BMX: variants seen among roughly 807,000 people sequenced by gnomAD.
BMX encodes cytoplasmic tyrosine-protein kinase BMX.
Under a neutral mutation model 59.2 loss-of-function variants are expected in BMX, and 31 were observed. That is an observed-to-expected ratio of 0.52 (90% CI 0.39 to 0.71). BMX has a LOEUF of 0.71. Among genes scored for constraint, BMX ranks in the 30% least tolerant of loss-of-function variants. The pLI, the probability that BMX is intolerant of heterozygous loss-of-function variation, is 0.00. For synonymous variants in BMX, 185 were observed against 181.0 expected (o/e 1.02, Z -0.18); for missense variants, 474 against 491.7 (o/e 0.96, Z 0.34).
At position 15,536,501 on chromosome X, in the gene BMX, GCAA is replaced by G; in HGVS notation, c.1222+75_1222+77del. On this transcript the variant is annotated intron_variant, in intron 13 of 18. Transcript: ENST00000348343. Reference sequence around the variant, plus strand: ...ATTTAAATATATGGTTAATTTACTGGCAAAAAAAAAAAAAAAGGAGGAAAGACA... The same window carrying G: ...ATTTAAATATATGGTTAATTTACTGGAAAAAAAAAAAAAGGAGGAAAGACA... The G allele has an allele frequency of 4.0e-6, 3 of 741,699 alleles. No individual in the cohort carries two copies. In the South Asian group the frequency reaches 1.3e-4, roughly 32 times the overall value. 61.1% of individuals were successfully genotyped at this position (741,699 alleles called of 1,213,427 possible).
At chrX:15,543,936 C>T (rs1212200413) in intron 16 of BMX, among the ~76,000 whole-genome samples, 1 of 111,785 alleles carries the variant, frequency 8.9e-6, no homozygotes, top group Non-Finnish European at 1.9e-5. Context: ...CCTTTCTATT[C>T]AACATTTATT....
Position 15,543,113 on chromosome X carries a change from G to A in BMX, c.1654G>A (p.Val552Ile). The stretch of plus-strand genomic sequence containing the variant: ...GGTGGACAGAGATCTCTGTGTGAAA[G>A]TATCTGACTTTGGAATGACAAGGTA... ...CLVDRDLCVK[V>I]SDFGMTRYVL... Residue 552 changes from valine to isoleucine, a missense_variant, in exon 16 of 19, where the codon GTA (valine) becomes ATA (isoleucine). By Grantham distance (29) the Val-to-Ile change is conservative (BLOSUM62 3). Coordinates refer to ENST00000348343, the MANE Select transcript of BMX (RefSeq NM_203281.3). 2 of 1,208,688 alleles carry A rather than the reference G, an allele frequency of 1.7e-6. No individual in the cohort carries two copies. Among genetic ancestry groups the A allele is most frequent in the Non-Finnish European group, 2.2e-6 (2 of 893,884 alleles).
At chrX:15,501,786 A>T (rs1446008405) in intron 1 of BMX, among the ~76,000 whole-genome samples, 1 of 111,437 alleles carries the variant, frequency 9.0e-6, no homozygotes, top group African/African-American at 3.3e-5. Flanking sequence ...CAATAAGGGT[A>T]TGGTTCAACC....
At chrX:15,522,963 T>G (rs1389852287) in intron 7 of BMX, among the ~76,000 whole-genome samples, 1 of 112,173 alleles carries the variant, frequency 8.9e-6, no homozygotes, top group Non-Finnish European at 1.9e-5. Flanking sequence ...AAATGGCAAA[T>G]AGCATTTCAA....
In BMX at chrX:15,542,099, C is replaced by T. The variant is rs201534309; in HGVS notation, c.1512C>T (p.His504=). Residue 504 remains histidine (H), a synonymous_variant, in exon 15 of 19, where the codon CAC becomes CAT. Coordinates refer to ENST00000348343, the MANE Select transcript of BMX (RefSeq NM_203281.3). Reference sequence around the variant, plus strand: ...GCTTGCTGAATTACCTGAGGAGTCACGGAAAAGGACTTGAACCTTCCCAGC... The same window carrying T: ...GCTTGCTGAATTACCTGAGGAGTCATGGAAAAGGACTTGAACCTTCCCAGC... ...NGCLLNYLRS[H]GKGLEPSQLL... 18 of 1,209,747 alleles carry T rather than the reference C, an allele frequency of 1.5e-5. No homozygotes were observed. In the East Asian group the frequency reaches 4.1e-4, roughly 28 times the overall value.
At chrX:15,515,154 G>A (rs894557406) in intron 4 of BMX, among the ~76,000 whole-genome samples, 3 of 107,182 alleles carry the variant, frequency 2.8e-5, no homozygotes, top group Non-Finnish European at 5.8e-5. Context: ...CCTGTTGGGG[G>A]ATGAGGGGCA....
chrX:15,516,311 G>C, intron 5 of BMX, 80 bp downstream of exon 5: 1 of 1,128,929 alleles, frequency 8.9e-7, no homozygotes, highest in Non-Finnish European at 1.2e-6. Context: ...GGCCAGAAGA[G>C]CTTGCCAGAA....
chrX:15,531,209 C>G, intron 10 of BMX, 119 bp from the exon 11 acceptor site: 1 of 572,967 alleles, frequency 1.7e-6, no homozygotes, highest in Non-Finnish European at 2.9e-6. Context: ...AAACCTGTGC[C>G]TTTTGTGATA....
At chrX:15,522,108 A>G (rs746178837) in intron 6 of BMX, among the ~76,000 whole-genome samples, 9 of 111,110 alleles carry the variant, frequency 8.1e-5, no homozygotes, top group Non-Finnish European at 1.7e-4. Context: ...CAAATTTCCA[A>G]TGTTGTTGTA....
At chrX:15,527,283 T>TATAC (rs1285065649) in intron 9 of BMX, among the ~76,000 whole-genome samples, 119 of 65,800 alleles carry the variant, frequency 1.8e-3, no homozygotes, top group South Asian at 2.6e-3. Context: ...TATATATATA[T>TATAC]ACACACACAC....
In BMX at chrX:15,556,358, T is replaced by C; in HGVS notation, c.*211T>C. Reference sequence around the variant, plus strand: ...GTAATTTTGTTTATGCTGCTCCTGATATAACACTTTCCAGCCTATAGCAGA... The same window carrying C: ...GTAATTTTGTTTATGCTGCTCCTGACATAACACTTTCCAGCCTATAGCAGA... On this transcript the variant is annotated 3_prime_UTR_variant, in exon 19 of 19. Transcript: ENST00000348343. 1 of 335,055 alleles carries C rather than the reference T, an allele frequency of 3.0e-6. No individual in the cohort carries two copies. Among genetic ancestry groups the C allele is most frequent in the Non-Finnish European group, 5.1e-6 (1 of 197,035 alleles). 27.6% of individuals were successfully genotyped at this position (335,055 alleles called of 1,213,427 possible). A position where few individuals can be genotyped will look rare whatever the true frequency, so the allele number is the denominator to read the frequency against.
chrX:15,507,192 G>A (rs1923772977), intron 1 of BMX: 6 of 265,768 alleles, frequency 2.3e-5, no homozygotes, highest in Non-Finnish European at 3.1e-5. Context: ...GGATGGGTTC[G>A]CTTGGCGCCC....
rs2147150353 is a variant in BMX, at chrX:15,556,082, A to G, written c.1963A>G (p.Lys655Glu). ...MYSCWHELPE[K>E]RPTFQQLLSS... ...TGTTGTTTTTGTTTAGCTTCCAGAA[A>G]AGCGTCCCACATTTCAGCAACTCCT... Residue 655 changes from lysine to glutamate, a missense_variant, in exon 19 of 19, where the codon AAG (lysine) becomes GAG (glutamate). Lys to Glu is a moderately conservative substitution (Grantham distance 56, BLOSUM62 1). Transcript: ENST00000348343. 1.7e-6 allele frequency: 2 copies of G among 1,204,667 alleles called. No homozygotes were observed. Among genetic ancestry groups the G allele is most frequent in the East Asian group, 3.0e-5 (1 of 33,445 alleles).
chrX:15,532,001 T>C (rs1165030580), intron 11 of BMX, among the ~76,000 whole-genome samples: 1 of 112,090 alleles, frequency 8.9e-6, no homozygotes, highest in African/African-American at 3.2e-5. Context: ...CTTTGTGACA[T>C]TGAGCAAGTT....
At chrX:15,506,250 T>A (rs1379929213) in intron 1 of BMX, among the ~76,000 whole-genome samples, 2 of 111,965 alleles carry the variant, frequency 1.8e-5, no homozygotes, top group Admixed American at 1.9e-4. Flanking sequence ...CACATAGTAC[T>A]GGGAAAGACT....
At chrX:15,517,842 T>G (rs1443334318) in intron 5 of BMX, 87 bp from the exon 6 acceptor site, 2 of 795,485 alleles carry the variant, frequency 2.5e-6, no homozygotes, top group Non-Finnish European at 3.7e-6. Flanking sequence ...TCACACAAGC[T>G]GGTTCATTCT....
At position 15,522,704 on chromosome X, in the gene BMX, G is replaced by A. The variant is rs1924526330; in HGVS notation, c.752+117G>A. ...GTCTTAGGCTGTCCTCTCAGAAAAT[G>A]TTCAGTGCTTGAGCCAGAAGTCTGG... On this transcript the variant is annotated intron_variant, in intron 7 of 18. Transcript: ENST00000348343. 1.1e-5 allele frequency: 12 copies of A among 1,045,398 alleles called. No individual in the cohort carries two copies. The South Asian group carries it at 1.4e-4, about 12-fold the overall frequency. The allele number at this position is 1,045,398 out of a possible 1,213,427, so 86.2% of individuals were successfully genotyped here. A position where few individuals can be genotyped will look rare whatever the true frequency, so the allele number is the denominator to read the frequency against.
chrX:15,517,341 AT>A (rs1273209827), intron 5 of BMX, among the ~76,000 whole-genome samples: 1 of 111,683 alleles, frequency 9.0e-6, no homozygotes, highest in Non-Finnish European at 1.9e-5. Context: ...GGTATTAATC[AT>A]TTTCCCCAGT....
In BMX at chrX:15,509,734, A is replaced by G. The variant is rs1467977162; in HGVS notation, c.243+301A>G. Among the ~76,000 whole-genome samples, 6 of 111,111 alleles carry G rather than the reference A, an allele frequency of 5.4e-5. No homozygotes were observed. The Admixed American group carries it at 5.7e-4, about 11-fold the overall frequency. ...TCCGATGTGGTACACAGTAGTAGGC[A>G]TACTATGGGGAACAAAACACTGCCC... On this transcript the variant is annotated intron_variant, in intron 3 of 18. Coordinates refer to ENST00000348343, the MANE Select transcript of BMX (RefSeq NM_203281.3).
Sources: allele counts gnomAD v4.1 joint callset (sites outside exome capture counted in the v4.1 genomes callset), GRCh38; gene constraint gnomAD v4.1.1; transcripts MANE v1.5; gene names NCBI Gene and HGNC (gene_info 2026-07-23, HGNC 2026-07-21).